Variants in PRCC observed in about 807,000 individuals in gnomAD.
PRCC encodes the protein proline-rich protein PRCC.
Under a neutral mutation model 44.0 loss-of-function variants are expected in PRCC, and 10 were observed. The ratio of observed to expected loss-of-function variants is 0.23; its 90% CI spans 0.14 to 0.39. The LOEUF (loss-of-function observed/expected upper bound fraction) is 0.39, where lower values mean the gene tolerates loss of function less well. Among genes scored for constraint, PRCC ranks in the 10% least tolerant of loss-of-function variants. The pLI is 1.00. For synonymous variants in PRCC, 278 were observed against 259.5 expected (o/e 1.07, Z -0.69); for missense variants, 573 against 624.7 (o/e 0.92, Z 0.88).
chr1:156,769,053 C>G (rs1378450639), intron 1 of PRCC, among the ~76,000 whole-genome samples: 1 of 152,218 alleles, frequency 6.6e-6, no homozygotes, highest in Non-Finnish European at 1.5e-5. Context: ...TACAAGGCTC[C>G]TGGAGTGAGG....
intron 1 of PRCC, among the ~76,000 whole-genome samples, chr1:156,775,806 G>C (rs1313814374): frequency 6.6e-6 from 1 of 151,888 alleles, no homozygotes; most frequent in Non-Finnish European, 1.5e-5. Flanking sequence ...ACCGCACCCG[G>C]CTAATTTTTA....
In PRCC at chr1:156,786,823, T is replaced by C. The variant is rs749547140; in HGVS notation, c.732T>C (p.Ala244=). The C allele has an allele frequency of 8.2e-5, 133 of 1,614,088 alleles. 1 individual carries two copies. Among genetic ancestry groups the C allele is most frequent in the Non-Finnish European group, 1.1e-4 (126 of 1,180,034 alleles). Residue 244 remains alanine (A), a synonymous_variant, in exon 3 of 7, where the codon GCT becomes GCC. Transcript: ENST00000271526. ...GTTTTTPSPS[A]IKAAAKSAAL... ...CAACCACCACTCCGTCGCCCTCTGCTATCAAGGCTGCTGCCAAGAGTGCTG... is the reference window on the plus strand; with the variant it reads ...CAACCACCACTCCGTCGCCCTCTGCCATCAAGGCTGCTGCCAAGAGTGCTG...
At position 156,768,110 on chromosome 1, in the gene PRCC, C is replaced by T. The variant is rs757731793; in HGVS notation, c.339C>T (p.Pro113=). The T allele has an allele frequency of 1.3e-6, 2 of 1,581,682 alleles. No individual in the cohort carries two copies. Among genetic ancestry groups the T allele is most frequent in the Non-Finnish European group, 1.7e-6 (2 of 1,163,648 alleles). The change falls in exon 1 of 7, where the codon CCC becomes CCT. Residue 113 remains proline, a synonymous_variant. Transcript: ENST00000271526. ...GVGEGLGLGL[P]SPRGPGLNLP... is the part of the protein sequence containing the mutation. ...GGGAGGGACTGGGATTGGGGTTGCC[C>T]TCGCCCCGAGGCCCTGGCCTCAATC...
At chr1:156,785,496 G>C (rs1652208337) in intron 2 of PRCC, among the ~76,000 whole-genome samples, 1 of 151,112 alleles carries the variant, frequency 6.6e-6, no homozygotes, top group Non-Finnish European at 1.5e-5. Context: ...CTGGGTGATA[G>C]AGCGAGACTC....
chr1:156,787,225 C>A, intron 3 of PRCC, 51 bp downstream of exon 3: 2 of 1,536,132 alleles, frequency 1.3e-6, no homozygotes, highest in South Asian at 1.2e-5. Flanking sequence ...ACATGGTGGT[C>A]AAGGAGAGCT....
chr1:156,782,432 C>CA, intron 2 of PRCC, 103 bp downstream of exon 2: 1 of 1,060,034 alleles, frequency 9.4e-7, no homozygotes, highest in Non-Finnish European at 1.3e-6. Flanking sequence ...TTAGAGCAAA[C>CA]ACAGATATTT....
chr1:156,790,576 G>A (rs2102769025), intron 3 of PRCC, among the ~76,000 whole-genome samples: 1 of 152,290 alleles, frequency 6.6e-6, no homozygotes, highest in East Asian at 1.9e-4. Flanking sequence ...GAGCCAAGAT[G>A]GCGCCATTGC....
chr1:156,795,397 C>T (rs1238694752), intron 5 of PRCC, among the ~76,000 whole-genome samples: 2 of 145,762 alleles, frequency 1.4e-5, no homozygotes, highest in African/African-American at 5.0e-5. Flanking sequence ...AAGTGATCCT[C>T]ACACCTCAGT....
chr1:156,774,163 T>G lies in PRCC; in HGVS notation c.468+5924T>G, dbSNP rs796365053. 4.5e-3 allele frequency among the ~76,000 whole-genome samples: 274 copies of G among 61,360 alleles called. 3 individuals are homozygous for G. The highest frequency in any genetic ancestry group is 0.022 in the African/African-American group (260 of 11,694). 40.3% of individuals were successfully genotyped at this position (61,360 alleles called of 152,430 possible). A position where few individuals can be genotyped will look rare whatever the true frequency, so the allele number is the denominator to read the frequency against. On this transcript the variant is annotated intron_variant, in intron 1 of 6. Coordinates refer to ENST00000271526, the MANE Select transcript of PRCC (RefSeq NM_005973.5). ...CTTTCTTTTTTTGAGTCACCTTTTT[T>G]TTTTTTTTTTTTTTTTTTTTTTTTT...
At chr1:156,779,116 ATATATATATATATTTTTTTTTTTT>A (rs1173752216) in intron 1 of PRCC, among the ~76,000 whole-genome samples, 1 of 18,706 alleles carries the variant, frequency 5.3e-5, no homozygotes, top group African/African-American at 2.4e-4. Context: ...ATATATATAT[ATATATATATATATTTTTTTTTTTT>A]TTTTTTTTTT....
At position 156,800,569 on chromosome 1, in the gene PRCC, G is replaced by A. The variant is rs935717991; in HGVS notation, c.*109G>A. ...CTAAGCCCAGGATCTCTTTCCCCAA[G>A]GACCCAGCCCTCGCCTCTGCGAGAA... On this transcript the variant is annotated 3_prime_UTR_variant, in exon 7 of 7. Transcript: ENST00000271526. 8.7e-5 allele frequency: 98 copies of A among 1,129,882 alleles called. No homozygotes were observed. Among genetic ancestry groups the A allele is most frequent in the Middle Eastern group, 7.8e-4 (3 of 3,862 alleles). The allele number at this position is 1,129,882 out of a possible 1,614,324, so 70.0% of individuals were successfully genotyped here.
At chr1:156,787,876 G>A (rs1652331893) in intron 3 of PRCC, among the ~76,000 whole-genome samples, 1 of 151,878 alleles carries the variant, frequency 6.6e-6, no homozygotes. Context: ...CTGTTGCCCA[G>A]GCTGGAGTGC....
chr1:156,782,983 G>A (rs542778690), intron 2 of PRCC, among the ~76,000 whole-genome samples: 38 of 152,046 alleles, frequency 2.5e-4, no homozygotes, highest in Non-Finnish European at 4.9e-4. Context: ...TTGGCTCACC[G>A]CATCCTCCTC....
rs1029304548 is a variant in PRCC, at chr1:156,772,336, A to G, written c.468+4097A>G. ...ATTTGGTTGATTTGATTTGGGTCAT[A>G]TTATCCAATCATCTGCAGTCAGCGT... On this transcript the variant is annotated intron_variant, in intron 1 of 6. Coordinates refer to ENST00000271526, the MANE Select transcript of PRCC (RefSeq NM_005973.5). Among the ~76,000 whole-genome samples the G allele has an allele frequency of 2.0e-5, 3 of 152,222 alleles. No individual in the cohort carries two copies. In the East Asian group the frequency reaches 5.8e-4, roughly 29 times the overall value.
chr1:156,800,726 GGT>G lies in PRCC; in HGVS notation c.*270_*271del, dbSNP rs1329949927. On this transcript the variant is annotated 3_prime_UTR_variant, in exon 7 of 7. Transcript: ENST00000271526. ...GGGGTGGGAGTTTTGCTCTCTGTCA[GGT>G]GTGATAAAATGTTGAACCCTCCCCA... is the stretch of plus-strand genomic sequence containing the variant. 2.6e-6 allele frequency: 1 copy of G among 380,994 alleles called. No individual in the cohort carries two copies. The highest frequency in any genetic ancestry group is 4.8e-6 in the Non-Finnish European group (1 of 208,384). The allele number at this position is 380,994 out of a possible 1,614,324, so 23.6% of individuals were successfully genotyped here.
intron 5 of PRCC, among the ~76,000 whole-genome samples, chr1:156,795,123 C>A (rs1341038802): frequency 9.9e-5 from 15 of 152,040 alleles, no homozygotes; most frequent in Non-Finnish European, 1.5e-5. Flanking sequence ...TCTACTCTTG[C>A]CGTACAGTCA....
intron 2 of PRCC, among the ~76,000 whole-genome samples, chr1:156,783,021 T>C (rs1346143719): frequency 2.0e-5 from 3 of 152,138 alleles, no homozygotes; most frequent in Non-Finnish European, 2.9e-5. Flanking sequence ...TCTCCTGCCT[T>C]AGCCTTCCGA....
chr1:156,769,316 C>T (rs1306374454), intron 1 of PRCC, among the ~76,000 whole-genome samples: 1 of 152,144 alleles, frequency 6.6e-6, no homozygotes, highest in East Asian at 1.9e-4. Context: ...AAATTGCAAC[C>T]TCCTATCACC....
At chr1:156,796,135 C>T (rs989287627) in intron 5 of PRCC, 2 of 152,208 alleles carry the variant, frequency 1.3e-5, no homozygotes, top group African/African-American at 4.8e-5. Flanking sequence ...AACTGTGGGT[C>T]GAGAAGCATA....
Sources: allele counts gnomAD v4.1 joint callset (sites outside exome capture counted in the v4.1 genomes callset), GRCh38; gene constraint gnomAD v4.1.1; transcripts MANE v1.5; gene names NCBI Gene and HGNC (gene_info 2026-07-23, HGNC 2026-07-21).